Variants in GLI3 observed in about 807,000 individuals in gnomAD.
GLI3 encodes transcription activator GLI3.
In GLI3, 20 loss-of-function variants were observed where a neutral mutation model predicts 100.8. The ratio of observed to expected loss-of-function variants is 0.20; its 90% confidence interval spans 0.14 to 0.29. The LOEUF (loss-of-function observed/expected upper bound fraction) is 0.29. GLI3 is among the 10% of genes least tolerant of loss of function. The probability of loss-of-function intolerance (pLI) is 1.00; values close to 1 mark genes in which losing one functional copy is unlikely to be tolerated. For missense variants in GLI3, 2,040 were observed against 2,128.5 expected (o/e 0.96, Z 0.82); for synonymous variants, 938 against 860.5 (o/e 1.09, Z -1.58).
chr7:42,051,739 C>G (rs1480695426), intron 4 of GLI3, among the ~76,000 whole-genome samples: 1 of 152,086 alleles, frequency 6.6e-6, no homozygotes, highest in African/African-American at 2.4e-5. Flanking sequence ...CAGAGATTTC[C>G]CATATAACCC....
At chr7:42,077,369 TC>T (rs1207568246) in intron 3 of GLI3, among the ~76,000 whole-genome samples, 2 of 99,852 alleles carry the variant, frequency 2.0e-5, no homozygotes, top group African/African-American at 1.2e-4. Context: ...TGCATGTGCT[TC>T]TTTTTTTTTT....
intron 4 of GLI3, among the ~76,000 whole-genome samples, chr7:42,055,116 C>CATATATGTATATATACACAT (rs1562706371): frequency 4.0e-5 from 5 of 126,088 alleles, no homozygotes; most frequent in East Asian, 2.1e-4. Context: ...TATATATACA[C>CATATATGTATATATACACAT]ATATATATAC....
intron 6 of GLI3, among the ~76,000 whole-genome samples, chr7:42,041,989 C>T (rs1435834602): frequency 6.7e-6 from 1 of 149,146 alleles, no homozygotes; most frequent in African/African-American, 2.5e-5. Context: ...CATGTTAGCA[C>T]AAAATAGCAA....
intron 2 of GLI3, among the ~76,000 whole-genome samples, chr7:42,150,408 G>A (rs1041976617): frequency 8.5e-5 from 13 of 152,106 alleles, no homozygotes; most frequent in South Asian, 2.1e-4. Flanking sequence ...TTGCAGTTAC[G>A]TAAAAGCAAA....
intron 3 of GLI3, among the ~76,000 whole-genome samples, chr7:42,083,350 T>C (rs1251874336): frequency 6.6e-6 from 1 of 152,236 alleles, no homozygotes; most frequent in African/African-American, 2.4e-5. Context: ...CCATCCATGT[T>C]GTTGCAAATG....
At chr7:42,105,711 C>T (rs1014212378) in intron 3 of GLI3, among the ~76,000 whole-genome samples, 1 of 152,162 alleles carries the variant, frequency 6.6e-6, no homozygotes, top group Admixed American at 6.5e-5. Flanking sequence ...AATCCTCCCA[C>T]TTAGGGCTGG....
intron 3 of GLI3, among the ~76,000 whole-genome samples, chr7:42,089,907 T>C (rs1239297118): frequency 6.6e-6 from 1 of 152,182 alleles, no homozygotes; most frequent in Non-Finnish European, 1.5e-5. Context: ...TGTCTTTAGA[T>C]GATTGTGTCA....
chr7:42,176,216 C>T (rs1787476686), intron 2 of GLI3, among the ~76,000 whole-genome samples: 1 of 152,112 alleles, frequency 6.6e-6, no homozygotes, highest in Non-Finnish European at 1.5e-5. Flanking sequence ...TATGCTGGTG[C>T]TGACCCAAAG....
chr7:42,172,709 C>T (rs972298875), intron 2 of GLI3: 1 of 691,586 alleles, frequency 1.4e-6, no homozygotes, highest in African/African-American at 1.8e-5. Flanking sequence ...GATGAGTTTT[C>T]AGCAGTGGAG....
In GLI3 at chr7:41,966,291, G is replaced by T. The variant is rs1286089459; in HGVS notation, c.2782C>A (p.Arg928Ser). The T allele has an allele frequency of 2.1e-5, 33 of 1,608,054 alleles. No homozygotes were observed. The highest frequency in any genetic ancestry group is 2.8e-5 in the Non-Finnish European group (33 of 1,179,246). ...GCAGCCGCGTACTTGGCCTTGAGGC[G>T]GTACTGCTGGGCGGGCGTGAGGCTG... ...LLSLTPAQQY[R>S]LKAKYAAATG... Residue 928 changes from arginine (R) to serine (S), a missense_variant, in exon 15 of 15, where the codon CGC (arginine) becomes AGC (serine). Transcript: ENST00000395925. The surrounding 1 kb of genome is among the most constrained non-coding windows in gnomAD (Gnocchi z 5.8).
rs114109017 is a variant in GLI3 at position 42,109,603 on chromosome 7, T to C, written c.368-32746A>G. Among the ~76,000 whole-genome samples, 582 of 152,194 alleles carry C rather than the reference T, an allele frequency of 3.8e-3. 2 individuals are homozygous for C. The highest frequency in any genetic ancestry group is 0.013 in the African/African-American group (560 of 41,506). On this transcript the variant is annotated intron_variant, in intron 3 of 14. Transcript: ENST00000395925. ...GAGCATTCTGAGCTGACAGTGAAAA[T>C]AACGAATGAAACACGGCAGAGCAGA...
At chr7:42,109,231 A>C (rs1196853452) in intron 3 of GLI3, among the ~76,000 whole-genome samples, 1 of 152,224 alleles carries the variant, frequency 6.6e-6, no homozygotes, top group Non-Finnish European at 1.5e-5. Context: ...TACAAAACTA[A>C]GTTAACTGCC....
chr7:42,248,120 T>C (rs1788994117), intron 1 of GLI3, among the ~76,000 whole-genome samples: 1 of 152,204 alleles, frequency 6.6e-6, no homozygotes, highest in South Asian at 2.1e-4. Context: ...AAATATAAAA[T>C]AGCAGCATAC....
At chr7:42,028,770 A>AAATAATAAT (rs147616149) in intron 7 of GLI3, among the ~76,000 whole-genome samples, 12 of 146,042 alleles carry the variant, frequency 8.2e-5, no homozygotes, top group East Asian at 8.0e-4. Context: ...TCTCAAAAAT[A>AAATAATAAT]AATAATAATA....
chr7:41,987,101 G>GACACAGACAC (rs1554308382), intron 10 of GLI3, among the ~76,000 whole-genome samples: 12,523 of 140,538 alleles, frequency 0.089, 712 homozygotes, highest in East Asian at 0.26. Context: ...CACAGACACA[G>GACACAGACAC]ACACACACAC....
chr7:42,191,348 G>A (rs1344907326), intron 2 of GLI3, among the ~76,000 whole-genome samples: 12 of 152,062 alleles, frequency 7.9e-5, no homozygotes, highest in African/African-American at 2.4e-4. Context: ...GGTGGCTCTC[G>A]CCTATAATCC....
chr7:42,257,096 A>G (rs1789092385), intron 1 of GLI3, among the ~76,000 whole-genome samples: 1 of 152,156 alleles, frequency 6.6e-6, no homozygotes, highest in Non-Finnish European at 1.5e-5. Flanking sequence ...AAGTAGAAAT[A>G]CCATTGATTT....
chr7:41,963,479 A>G lies in GLI3; in HGVS notation c.*851T>C, dbSNP rs1397255673. ...CTTACCAGAACAGATAAAAGTAGCA[A>G]TGTGGCTGAGTGTCACCAACTGTCC... is the stretch of plus-strand genomic sequence containing the variant. On this transcript the variant is annotated 3_prime_UTR_variant, in exon 15 of 15. Transcript: ENST00000395925. The G allele has an allele frequency of 1.3e-5, 2 of 152,234 alleles. No homozygotes were observed. The highest frequency in any genetic ancestry group is 2.9e-5 in the Non-Finnish European group (2 of 68,048). 9.4% of individuals were successfully genotyped at this position (152,234 alleles called of 1,614,324 possible). A position where few individuals can be genotyped will look rare whatever the true frequency, so the allele number is the denominator to read the frequency against.
At chr7:42,206,747 G>A (rs1272119887) in intron 2 of GLI3, among the ~76,000 whole-genome samples, 2 of 152,036 alleles carry the variant, frequency 1.3e-5, no homozygotes, top group African/African-American at 2.4e-5. Flanking sequence ...GAATAGACAG[G>A]TTGATCATAC....
Sources: gnomAD v4.1 joint callset for allele counts (sites outside exome capture counted in the v4.1 genomes callset) on GRCh38, gnomAD v4.1.1 for gene constraint, Gnocchi (gnomAD v3.1) non-coding constraint, MANE v1.5 for transcripts, NCBI Gene and HGNC (gene_info 2026-07-23, HGNC 2026-07-21) for gene names.